The following MPV17L variants were observed in gnomAD, a reference collection of about 807,000 sequenced individuals.
MPV17L encodes the protein mpv17-like protein.
In MPV17L, 24 loss-of-function variants were observed where a neutral mutation model predicts 25.8. The ratio of observed to expected loss-of-function variants is 0.93; its 90% CI spans 0.67 to 1.31. The LOEUF is 1.31. Ranked by LOEUF, MPV17L falls within the 50% of genes most tolerant of loss-of-function variation. The probability of loss-of-function intolerance (pLI) is 0.00; values close to 1 mark genes in which losing one functional copy is unlikely to be tolerated. For missense variants in MPV17L, 250 were observed against 265.6 expected, an observed-to-expected ratio of 0.94 and a Z score of 0.41; for synonymous variants, 102 against 115.3, an observed-to-expected ratio of 0.88 and a Z score of 0.74.
At position 15,396,109 on chromosome 16, in the gene MPV17L, A is replaced by T; in HGVS notation, c.212A>T (p.Glu71Val). 1 of 1,545,458 alleles carries T rather than the reference A, an allele frequency of 6.5e-7. No homozygotes were observed. Among genetic ancestry groups the T allele is most frequent in the Non-Finnish European group, 8.7e-7 (1 of 1,146,804 alleles). Residue 71 changes from glutamate to valine, a missense_variant, in exon 1 of 4, where the codon GAG (glutamate) becomes GTG (valine). Physicochemically the swap from Glu to Val is moderately radical, Grantham distance 121. Coordinates refer to ENST00000396385, the MANE Select transcript of MPV17L (RefSeq NM_001128423.2). Reference protein sequence around the residue: ...NFNYVWLRLLERALPGRAPHA... With the variant: ...NFNYVWLRLLVRALPGRAPHA... The stretch of plus-strand genomic sequence containing the variant: ...AACTACGTGTGGCTGCGCCTGCTGG[A>T]GCGCGCGCTCCCGGGCCGAGCGCCG...
chr16:15,401,058 G>GTGTATATATATATA (rs1322619970), intron 2 of MPV17L, among the ~76,000 whole-genome samples: 12 of 44,248 alleles, frequency 2.7e-4, no homozygotes, highest in Non-Finnish European at 3.4e-4. Context: ...ATGTGTGTGT[G>GTGTATATATATATA]TATATATATA....
intron 1 of MPV17L, among the ~76,000 whole-genome samples, chr16:15,397,063 G>A (rs901528389): frequency 8.5e-5 from 13 of 152,110 alleles, no homozygotes; most frequent in African/African-American, 2.7e-4. Flanking sequence ...ACCAAGAGGC[G>A]GATTTTGATC....
At chr16:15,396,387 G>A (rs2050584290) in intron 1 of MPV17L, among the ~76,000 whole-genome samples, 180 bp downstream of exon 1, 1 of 152,188 alleles carries the variant, frequency 6.6e-6, no homozygotes, top group African/African-American at 2.4e-5. Context: ...AAGGCTAGAG[G>A]CTGGGGTGTT....
chr16:15,407,771 AAAAT>A, intron 2 of MPV17L, 49 bp from the exon 3 acceptor site: 1 of 1,523,428 alleles, frequency 6.6e-7, no homozygotes, highest in Non-Finnish European at 8.9e-7. Context: ...AAATAAATAA[AAAAT>A]AAAAGGCAAT....
chr16:15,403,311 G>C (rs1414349032), intron 2 of MPV17L, among the ~76,000 whole-genome samples: 6 of 148,090 alleles, frequency 4.1e-5, no homozygotes, highest in Non-Finnish European at 7.4e-5. Context: ...AGAGACTGTA[G>C]TGAGCTGAGA....
rs1265245669 is a variant in MPV17L, at chr16:15,408,617, T to G, written c.*505T>G. On this transcript the variant is annotated 3_prime_UTR_variant, in exon 4 of 4. Transcript: ENST00000396385. ...AGTAAATACCTTTTTTTTTTTTTTT[T>G]TTTTTGTGGTGGAGTCTTGCTGTCT... 1 of 147,290 alleles carries G rather than the reference T, an allele frequency of 6.8e-6. No individual in the cohort carries two copies. 9.1% of individuals were successfully genotyped at this position (147,290 alleles called of 1,614,324 possible).
chr16:15,407,932 G>C lies in MPV17L; in HGVS notation c.412-1G>C, dbSNP rs766148912. 2.3e-5 allele frequency: 37 copies of C among 1,613,822 alleles called. No individual in the cohort carries two copies. Among genetic ancestry groups the C allele is most frequent in the Non-Finnish European group, 3.1e-5 (36 of 1,180,032 alleles). On this transcript the variant is annotated splice_acceptor_variant, in intron 3 of 3. Coordinates refer to ENST00000396385, the MANE Select transcript of MPV17L (RefSeq NM_001128423.2). LOFTEE classifies it high-confidence loss of function. The stretch of plus-strand genomic sequence containing the variant: ...CCTAACGGACTCTCTCTCTGTTCCA[G>C]CTGACCAACTTCAGCCTTGTTCCTG...
chr16:15,402,893 T>A (rs1376763664), intron 2 of MPV17L, among the ~76,000 whole-genome samples: 5 of 151,988 alleles, frequency 3.3e-5, no homozygotes, highest in African/African-American at 1.2e-4. Flanking sequence ...GTTGGCCAGG[T>A]TGGTCTTGAA....
In MPV17L at chr16:15,408,644, C is replaced by G. The variant is rs1180792624; in HGVS notation, c.*532C>G. 7.1e-6 allele frequency: 1 copy of G among 140,590 alleles called. No homozygotes were observed. The highest frequency in any genetic ancestry group is 1.5e-5 in the Non-Finnish European group (1 of 66,424). 8.7% of individuals were successfully genotyped at this position (140,590 alleles called of 1,614,324 possible). A position where few individuals can be genotyped will look rare whatever the true frequency, so the allele number is the denominator to read the frequency against. ...TTTTGTGGTGGAGTCTTGCTGTCTCCCCGGCTGGAGCGCAGTGGCACGATC... is the reference window on the plus strand; with the variant it reads ...TTTTGTGGTGGAGTCTTGCTGTCTCGCCGGCTGGAGCGCAGTGGCACGATC... On this transcript the variant is annotated 3_prime_UTR_variant, in exon 4 of 4. Transcript: ENST00000396385.
intron 2 of MPV17L, among the ~76,000 whole-genome samples, chr16:15,403,780 A>C (rs1431223523): frequency 6.6e-6 from 1 of 152,136 alleles, no homozygotes; most frequent in African/African-American, 2.4e-5. Flanking sequence ...TAAAAAAAAA[A>C]ACTGGTTACA....
intron 1 of MPV17L, among the ~76,000 whole-genome samples, chr16:15,400,093 C>T (rs1267218125): frequency 1.3e-5 from 2 of 152,028 alleles, no homozygotes; most frequent in African/African-American, 4.8e-5. Flanking sequence ...ATGAGCCACG[C>T]GCCCAGCCCA....
chr16:15,407,986 C>T lies in MPV17L; in HGVS notation c.465C>T (p.Val155=). 6.2e-7 allele frequency: 1 copy of T among 1,613,980 alleles called. No homozygotes were observed. Among genetic ancestry groups the T allele is most frequent in the South Asian group, 1.1e-5 (1 of 91,086 alleles). Residue 155 remains valine, a synonymous_variant, in exon 4 of 4, where the codon GTC becomes GTT. Transcript: ENST00000396385. ...PVQWRTAYAG[V]CGFLWATFIC... Reference sequence around the variant, plus strand: ...AATGGAGAACAGCTTACGCTGGAGTCTGTGGTTTTCTCTGGGCCACCTTCA... The same window carrying T: ...AATGGAGAACAGCTTACGCTGGAGTTTGTGGTTTTCTCTGGGCCACCTTCA...
In MPV17L at chr16:15,399,572, G is replaced by T. The variant is rs1367910156; in HGVS notation, c.311-1215G>T. 8 of 321,950 alleles carry T rather than the reference G, an allele frequency of 2.5e-5. 1 individual carries two copies. Among genetic ancestry groups the T allele is most frequent in the Admixed American group, 8.8e-5 (2 of 22,804 alleles). The allele number at this position is 321,950 out of a possible 1,614,324, so 19.9% of individuals were successfully genotyped here. Reference sequence around the variant, plus strand: ...AGGCACGCACCCCTATACCTGGCTGGTTTTTAAATAGTTTTGTAGAGACAA... The same window carrying T: ...AGGCACGCACCCCTATACCTGGCTGTTTTTTAAATAGTTTTGTAGAGACAA... On this transcript the variant is annotated intron_variant, in intron 1 of 3. Transcript: ENST00000396385.
intron 2 of MPV17L, among the ~76,000 whole-genome samples, chr16:15,403,697 A>G (rs66615285): frequency 0.097 from 14,768 of 151,608 alleles, 840 homozygotes; most frequent in Middle Eastern, 0.15. Context: ...GAGAGCAGGA[A>G]GTAGAATTGG....
Position 15,407,867 on chromosome 16 carries a change from A to G in MPV17L, c.411+14A>G, listed in dbSNP as rs2050695617. 3.7e-6 allele frequency: 6 copies of G among 1,612,756 alleles called. No homozygotes were observed. In the Admixed American group the frequency reaches 1.0e-4, roughly 27 times the overall value. ...CCCTTTGTACAGGTAAGTTCCACCT[A>G]CTCAGTAATATGAACTCAGGGCTTT... is the stretch of plus-strand genomic sequence containing the variant. On this transcript the variant is annotated intron_variant, in intron 3 of 3. Transcript: ENST00000396385.
chr16:15,396,350 G>C (rs2050583970), intron 1 of MPV17L, 143 bp downstream of exon 1: 1 of 1,120,176 alleles, frequency 8.9e-7, no homozygotes, highest in African/African-American at 1.6e-5. Context: ...GACCGGAGCT[G>C]CTTCAGAGGC....
Position 15,396,583 on chromosome 16 carries a change from T to G in MPV17L, c.310+376T>G, listed in dbSNP as rs558627164. ...CCCCTGAAAAAGGCCCACGGGAAAA[T>G]AAAGGAGATCCCAGTTCAAGGCCGT... On this transcript the variant is annotated intron_variant, in intron 1 of 3. Coordinates refer to ENST00000396385, the MANE Select transcript of MPV17L (RefSeq NM_001128423.2). Among the ~76,000 whole-genome samples the G allele has an allele frequency of 2.6e-5, 4 of 151,380 alleles. No individual in the cohort carries two copies. In the East Asian group the frequency reaches 7.9e-4, roughly 30 times the overall value.
rs1447289901 is a variant in MPV17L, at chr16:15,409,424, C to T, written c.*1312C>T. 1 of 152,110 alleles carries T rather than the reference C, an allele frequency of 6.6e-6. No individual in the cohort carries two copies. Among genetic ancestry groups the T allele is most frequent in the Non-Finnish European group, 1.5e-5 (1 of 68,036 alleles). The allele number at this position is 152,110 out of a possible 1,614,324, so 9.4% of individuals were successfully genotyped here. A position where few individuals can be genotyped will look rare whatever the true frequency, so the allele number is the denominator to read the frequency against. On this transcript the variant is annotated 3_prime_UTR_variant, in exon 4 of 4. Transcript: ENST00000396385. ...AATAGCCTTAACTGATGACATTGCACCATTGTGATATGTTACTGCCCCACC... is the reference window on the plus strand; with the variant it reads ...AATAGCCTTAACTGATGACATTGCATCATTGTGATATGTTACTGCCCCACC...
rs1233082096 is a variant in MPV17L, at chr16:15,395,776, G to T, written c.-122G>T. The stretch of plus-strand genomic sequence containing the variant: ...CTCAATCGCTCCGGAGCTTCTGGAG[G>T]GGGCAGATGCAGGTGCCGGCTGCTG... On this transcript the variant is annotated 5_prime_UTR_variant, in exon 1 of 4. Coordinates refer to ENST00000396385, the MANE Select transcript of MPV17L (RefSeq NM_001128423.2). 5.5e-6 allele frequency: 5 copies of T among 908,998 alleles called. No homozygotes were observed. In the South Asian group the frequency reaches 7.2e-5, roughly 13 times the overall value. The allele number at this position is 908,998 out of a possible 1,614,324, so 56.3% of individuals were successfully genotyped here.
Sources: allele counts gnomAD v4.1 joint callset (sites outside exome capture counted in the v4.1 genomes callset), GRCh38; gene constraint gnomAD v4.1.1; transcripts MANE v1.5; gene names NCBI Gene and HGNC (gene_info 2026-07-23, HGNC 2026-07-21).